Variants in ADCY8 observed in about 807,000 individuals in gnomAD.
ADCY8 encodes the protein adenylate cyclase 8, also known as adenylate cyclase type 8.
In ADCY8, 51 loss-of-function variants were observed where a neutral mutation model predicts 119.7. That is an observed-to-expected ratio of 0.43 (90% confidence interval 0.34 to 0.54). The LOEUF (loss-of-function observed/expected upper bound fraction) is 0.54. ADCY8 is among the 20% of genes least tolerant of loss of function. The pLI is 0.03. For missense variants in ADCY8, 1,383 were observed against 1,598.8 expected, an observed-to-expected ratio of 0.87 and a Z score of 2.30; for synonymous variants, 665 against 651.0, an observed-to-expected ratio of 1.02 and a Z score of -0.33.
chr8:130,920,587 T>C (rs1820271601), intron 5 of ADCY8, among the ~76,000 whole-genome samples: 1 of 152,228 alleles, frequency 6.6e-6, no homozygotes, highest in Non-Finnish European at 1.5e-5. Flanking sequence ...CTGACTCATC[T>C]CCATATATTC....
chr8:130,948,936 C>G (rs1029827213), intron 3 of ADCY8, among the ~76,000 whole-genome samples: 2 of 152,084 alleles, frequency 1.3e-5, no homozygotes, highest in Non-Finnish European at 2.9e-5. Flanking sequence ...TCCCGAAACC[C>G]CCGGAGCCGC....
intron 14 of ADCY8, among the ~76,000 whole-genome samples, chr8:130,803,015 G>A (rs970778973): frequency 1.2e-4 from 18 of 152,160 alleles, no homozygotes; most frequent in African/African-American, 4.1e-4. Context: ...ATCATTTATC[G>A]GTTGCCTTCC....
At chr8:130,834,103 G>T (rs1168804488) in intron 12 of ADCY8, among the ~76,000 whole-genome samples, 1 of 152,134 alleles carries the variant, frequency 6.6e-6, no homozygotes, top group Admixed American at 6.5e-5. Context: ...TAATTAGCTT[G>T]ATGTAGCCAT....
intron 3 of ADCY8, among the ~76,000 whole-genome samples, chr8:130,945,769 T>C (rs532535324): frequency 5.9e-5 from 9 of 152,382 alleles, no homozygotes; most frequent in South Asian, 2.1e-4. Flanking sequence ...TAACTGTTGA[T>C]GAAGCCTGAA....
intron 8 of ADCY8, among the ~76,000 whole-genome samples, chr8:130,880,363 T>C (rs778887384): frequency 6.6e-6 from 1 of 152,210 alleles, no homozygotes; most frequent in Non-Finnish European, 1.5e-5. Context: ...TATCAACTTT[T>C]ACTGGTGAAA....
intron 15 of ADCY8, among the ~76,000 whole-genome samples, chr8:130,791,313 C>T (rs906694622): frequency 5.3e-5 from 8 of 152,260 alleles, no homozygotes; most frequent in Middle Eastern, 3.4e-3. Context: ...CTGTGGGCCT[C>T]GGCCCTCACC....
chr8:130,783,634 G>T, intron 17 of ADCY8, 57 bp downstream of exon 17: 1 of 1,264,450 alleles, frequency 7.9e-7, no homozygotes, highest in Non-Finnish European at 1.1e-6. Flanking sequence ...GCAGGGGAGG[G>T]TCTGTTGGAG....
intron 5 of ADCY8, among the ~76,000 whole-genome samples, chr8:130,931,995 C>T (rs1820643459): frequency 6.6e-6 from 1 of 152,024 alleles, no homozygotes; most frequent in South Asian, 2.1e-4. Flanking sequence ...GTCATATTTC[C>T]CTGATGATTT....
In ADCY8 at chr8:130,903,630, G is replaced by C. The variant is rs1334565219; in HGVS notation, c.1911+142C>G. 29 of 971,156 alleles carry C rather than the reference G, an allele frequency of 3.0e-5. No individual in the cohort carries two copies. The South Asian group carries it at 4.4e-4, about 15-fold the overall frequency. The allele number at this position is 971,156 out of a possible 1,614,324, so 60.2% of individuals were successfully genotyped here. ...AGGTTAATTCTGTCCTGAGGAGACA[G>C]AGAGATAGTTTGATCATTTGCAATT... On this transcript the variant is annotated intron_variant, in intron 7 of 17. Transcript: ENST00000286355.
In ADCY8 at chr8:130,904,236, T is replaced by A. The variant is rs192860134; in HGVS notation, c.1641-194A>T. On this transcript the variant is annotated intron_variant, in intron 6 of 17. Transcript: ENST00000286355. Reference sequence around the variant, plus strand: ...GAAGCATAAATTCATGAGCACAGTATCACGGACATCGTCCCAAGAGACACT... The same window carrying A: ...GAAGCATAAATTCATGAGCACAGTAACACGGACATCGTCCCAAGAGACACT... 2.6e-5 allele frequency among the ~76,000 whole-genome samples: 4 copies of A among 152,340 alleles called. No homozygotes were observed. In the East Asian group the frequency reaches 7.7e-4, roughly 29 times the overall value.
chr8:130,890,454 A>G (rs553590885), intron 7 of ADCY8, among the ~76,000 whole-genome samples: 8 of 152,250 alleles, frequency 5.3e-5, no homozygotes, highest in Middle Eastern at 3.4e-3. Context: ...TTCTCTCCCA[A>G]ATGGACTTCA....
At chr8:130,927,484 T>A (rs1312338948) in intron 5 of ADCY8, among the ~76,000 whole-genome samples, 3 of 152,222 alleles carry the variant, frequency 2.0e-5, no homozygotes, top group Admixed American at 1.3e-4. Flanking sequence ...TTATATATTT[T>A]GGATTTTAAC....
At chr8:130,960,083 G>A (rs1326103584) in intron 2 of ADCY8, among the ~76,000 whole-genome samples, 2 of 152,188 alleles carry the variant, frequency 1.3e-5, no homozygotes, top group East Asian at 3.9e-4. Context: ...ATCCAGGCAG[G>A]AGGTGAAGGA....
chr8:130,854,889 TTCCC>T (rs1270557119), intron 9 of ADCY8, among the ~76,000 whole-genome samples: 3 of 124,642 alleles, frequency 2.4e-5, no homozygotes, highest in Non-Finnish European at 5.0e-5. Flanking sequence ...TCTTTTCCCT[TTCCC>T]TCCCTCCCTC....
intron 1 of ADCY8, among the ~76,000 whole-genome samples, chr8:131,006,663 T>C (rs747772305): frequency 6.6e-6 from 1 of 152,188 alleles, no homozygotes. Context: ...AGCGGACAGA[T>C]CACTGCCTGG....
At chr8:130,803,580 A>T (rs147264600) in intron 14 of ADCY8, among the ~76,000 whole-genome samples, 29 of 152,364 alleles carry the variant, frequency 1.9e-4, no homozygotes, top group African/African-American at 7.0e-4. Flanking sequence ...AGGAAACATG[A>T]AACCTTATAA....
In ADCY8 at chr8:130,807,983, C is replaced by CAAAAAAAAAA. The variant is rs752321769; in HGVS notation, c.2913+6076_2913+6085dup. Among the ~76,000 whole-genome samples the CAAAAAAAAAA allele has an allele frequency of 4.0e-4, 19 of 47,236 alleles. 2 individuals carry two copies. Among genetic ancestry groups the CAAAAAAAAAA allele is most frequent in the East Asian group, 3.8e-3 (2 of 526 alleles). The allele number at this position is 47,236 out of a possible 152,430, so 31.0% of individuals were successfully genotyped here. On this transcript the variant is annotated intron_variant, in intron 14 of 17. Transcript: ENST00000286355. Reference sequence around the variant, plus strand: ...TGGGTGACAGAGCGAGACTCCGTCTCAAAAAAAAAAAAAAAAAAAAAAAAA... The same window carrying CAAAAAAAAAA: ...TGGGTGACAGAGCGAGACTCCGTCTCAAAAAAAAAAAAAAAAAAAAAAAAAAAAAAAAAAA...
intron 5 of ADCY8, among the ~76,000 whole-genome samples, chr8:130,934,740 A>T (rs1046996763): frequency 2.0e-5 from 3 of 152,198 alleles, no homozygotes. Context: ...CTCTCTCCAT[A>T]GTTCCTAAAG....
intron 1 of ADCY8, among the ~76,000 whole-genome samples, chr8:131,024,037 G>A (rs111829809): frequency 0.012 from 1,879 of 152,248 alleles, 33 homozygotes; most frequent in African/African-American, 0.043. Flanking sequence ...TGCTATTTTT[G>A]TCCATGAGTG....
Sources: allele counts gnomAD v4.1 joint callset (sites outside exome capture counted in the v4.1 genomes callset), GRCh38; gene constraint gnomAD v4.1.1; transcripts MANE v1.5; gene names NCBI Gene and HGNC (gene_info 2026-07-23, HGNC 2026-07-21).